HSP90AA1: variants seen among roughly 807,000 people sequenced by gnomAD.
HSP90AA1 encodes the protein heat shock protein HSP 90-alpha.
In HSP90AA1, 18 loss-of-function variants were observed where a neutral mutation model predicts 73.3. The observed-to-expected ratio is 0.25, with a 90% CI of 0.17 to 0.36. The LOEUF (loss-of-function observed/expected upper bound fraction) is 0.36, where lower values mean the gene tolerates loss of function less well. HSP90AA1 is among the 10% of genes least tolerant of loss of function. HSP90AA1 has a pLI of 1.00. For synonymous variants in HSP90AA1, 477 were observed against 296.9 expected (o/e 1.61, Z -6.24); for missense variants, 704 against 874.2 (o/e 0.81, Z 2.45).
chr14:102,084,167 G>A, intron 6 of HSP90AA1, 184 bp from the exon 7 acceptor site: 1 of 689,566 alleles, frequency 1.5e-6, no homozygotes, highest in Non-Finnish European at 2.5e-6. Context: ...CCTCCCGGGG[G>A]GGTTCAAGCT....
exon 1 of HSP90AA1, chr14:102,139,564 C>G: frequency 1.3e-6 from 1 of 780,636 alleles, no homozygotes. Context: ...GACACCAGCC[C>G]CGCCGCGGTT....
intron 1 of HSP90AA1, among the ~76,000 whole-genome samples, chr14:102,103,935 T>A (rs553909362): frequency 6.7e-6 from 1 of 149,150 alleles, no homozygotes; most frequent in South Asian, 2.1e-4. Flanking sequence ...ACATGGGAGG[T>A]GGAGGTTGCA....
intron 1 of HSP90AA1, among the ~76,000 whole-genome samples, chr14:102,118,858 T>C (rs2049740036): frequency 6.7e-6 from 1 of 148,974 alleles, no homozygotes; most frequent in African/African-American, 2.5e-5. Flanking sequence ...TCCTTCCTTT[T>C]TTTTTTTTTT....
chr14:102,138,966 A>C (rs1295589104), intron 1 of HSP90AA1, among the ~76,000 whole-genome samples: 1 of 152,138 alleles, frequency 6.6e-6, no homozygotes, highest in African/African-American at 2.4e-5. Context: ...GGAAAAAAAA[A>C]CAATTACCTT....
At chr14:102,108,161 G>A (rs2049591825) in intron 1 of HSP90AA1, among the ~76,000 whole-genome samples, 2 of 150,824 alleles carry the variant, frequency 1.3e-5, no homozygotes, top group African/African-American at 4.9e-5. Flanking sequence ...TACTTGGGAG[G>A]CTGAGGTGGG....
At chr14:102,095,888 T>A (rs141284861) in intron 2 of HSP90AA1, among the ~76,000 whole-genome samples, 262 of 152,316 alleles carry the variant, frequency 1.7e-3, no homozygotes, top group Middle Eastern at 0.01. Flanking sequence ...CCCGTTTTCA[T>A]CTGCCCACTT....
chr14:102,082,235 G>C lies in HSP90AA1; in HGVS notation c.1965C>G (p.Asn655Lys), dbSNP rs138842506. 3.7e-6 allele frequency: 6 copies of C among 1,613,812 alleles called. No individual in the cohort carries two copies. The highest frequency in any genetic ancestry group is 3.3e-5 in the South Asian group (3 of 91,068). The change falls in exon 10 of 11, where the codon AAC becomes AAG. Residue 655 changes from asparagine to lysine, a missense_variant. Transcript: ENST00000216281. Reference protein sequence around the residue: ...TLRQKAEADKNDKSVKDLVIL... With the variant: ...TLRQKAEADKKDKSVKDLVIL... Reference sequence around the variant, plus strand: ...TGACCAGATCCTTCACAGACTTGTCGTTCTTATCAGCCTCTGCCTTTTGCC... The same window carrying C: ...TGACCAGATCCTTCACAGACTTGTCCTTCTTATCAGCCTCTGCCTTTTGCC...
chr14:102,106,795 C>T (rs1480490226), intron 1 of HSP90AA1, among the ~76,000 whole-genome samples: 8 of 152,014 alleles, frequency 5.3e-5, no homozygotes, highest in Middle Eastern at 3.4e-3. Flanking sequence ...CTACCCACCT[C>T]GGCCTCCCAA....
upstream of HSP90AA1, among the ~76,000 whole-genome samples, chr14:102,090,240 C>T (rs79325709): frequency 5.8e-3 from 887 of 152,276 alleles, 9 homozygotes; most frequent in African/African-American, 0.02. Flanking sequence ...AATGGATCTT[C>T]TGCTCACACA....
chr14:102,112,440 C>T (rs1351248672), intron 1 of HSP90AA1, among the ~76,000 whole-genome samples: 1 of 152,118 alleles, frequency 6.6e-6, no homozygotes, highest in African/African-American at 2.4e-5. Flanking sequence ...TCCCAAAGTG[C>T]TGGGGTTACG....
chr14:102,087,357 G>C (rs1038099494), upstream of HSP90AA1, among the ~76,000 whole-genome samples: 4 of 151,024 alleles, frequency 2.6e-5, no homozygotes, highest in African/African-American at 7.3e-5. Flanking sequence ...TTCTGGGGCC[G>C]CCCGCGCCCT....
chr14:102,094,279 A>C (rs1199772524), intron 2 of HSP90AA1, among the ~76,000 whole-genome samples: 4 of 152,256 alleles, frequency 2.6e-5, no homozygotes, highest in Admixed American at 2.6e-4. Flanking sequence ...CCACATTGAT[A>C]AGCCAGAAAT....
chr14:102,091,636 A>C (rs191891907), upstream of HSP90AA1, among the ~76,000 whole-genome samples: 1 of 151,944 alleles, frequency 6.6e-6, no homozygotes, highest in Admixed American at 6.5e-5. Flanking sequence ...AAAAACAAAC[A>C]AACAAAAAAA....
chr14:102,082,576 C>T lies in HSP90AA1; in HGVS notation c.1756-132G>A, dbSNP rs111833288. On this transcript the variant is annotated intron_variant, in intron 9 of 10. Transcript: ENST00000216281. The stretch of plus-strand genomic sequence containing the variant: ...CTACTGTCAAATACAACTTAAATGT[C>T]GCATTAGGTATCCAAAGAGCACAGG... 23 of 720,480 alleles carry T rather than the reference C, an allele frequency of 3.2e-5. 1 individual carries two copies. The highest frequency in any genetic ancestry group is 8.1e-5 in the East Asian group (3 of 37,132). The allele number at this position is 720,480 out of a possible 1,614,324, so 44.6% of individuals were successfully genotyped here. A position where few individuals can be genotyped will look rare whatever the true frequency, so the allele number is the denominator to read the frequency against.
chr14:102,136,210 A>G (rs1270076096), intron 1 of HSP90AA1, among the ~76,000 whole-genome samples: 3 of 152,236 alleles, frequency 2.0e-5, no homozygotes, highest in Non-Finnish European at 4.4e-5. Context: ...AAACCATCAT[A>G]ATGATTCAAG....
chr14:102,082,732 T>G (rs1456097462), intron 9 of HSP90AA1: 1 of 503,126 alleles, frequency 2.0e-6, no homozygotes. Flanking sequence ...GCGATTCTCC[T>G]GCCTCAGCCT....
chr14:102,100,804 G>A (rs2152619150), intron 2 of HSP90AA1, among the ~76,000 whole-genome samples: 2 of 152,278 alleles, frequency 1.3e-5, no homozygotes, highest in Middle Eastern at 6.8e-3. Flanking sequence ...TCCCTGCTCT[G>A]CTATCACTCT....
chr14:102,088,714 T>A (rs1211547038), upstream of HSP90AA1, among the ~76,000 whole-genome samples: 4 of 150,838 alleles, frequency 2.7e-5, no homozygotes, highest in Non-Finnish European at 5.9e-5. Flanking sequence ...GGTGAGCGGG[T>A]CGCTGAAGGG....
At chr14:102,103,809 C>CA (rs200871890) in intron 1 of HSP90AA1, among the ~76,000 whole-genome samples, 5,964 of 106,638 alleles carry the variant, frequency 0.056, 184 homozygotes, top group African/African-American at 0.11. Flanking sequence ...CGTCTCAAAA[C>CA]AAAAAAAAAA....
Sources: gnomAD v4.1 joint callset for allele counts (sites outside exome capture counted in the v4.1 genomes callset) on GRCh38, gnomAD v4.1.1 for gene constraint, MANE v1.5 for transcripts, NCBI Gene and HGNC (gene_info 2026-07-23, HGNC 2026-07-21) for gene names.